The following AHCYL2 variants were observed in gnomAD, a reference collection of about 807,000 sequenced individuals.
The protein encoded by AHCYL2 is adenosylhomocysteinase like 2, also known as S-adenosylhomocysteine hydrolase-like protein 2.
Under a neutral mutation model 81.4 loss-of-function variants are expected in AHCYL2, and 28 were observed. The observed-to-expected ratio is 0.34, with a 90% CI of 0.25 to 0.47. The LOEUF (loss-of-function observed/expected upper bound fraction) is 0.47. AHCYL2 is among the 20% of genes least tolerant of loss of function. AHCYL2 has a pLI of 1.00. For synonymous variants in AHCYL2, 272 were observed against 290.2 expected (o/e 0.94, Z 0.64); for missense variants, 551 against 785.1 (o/e 0.70, Z 3.56).
At chr7:129,415,273 G>T (rs1467193793) in intron 12 of AHCYL2, among the ~76,000 whole-genome samples, 1 of 152,216 alleles carries the variant, frequency 6.6e-6, no homozygotes, top group East Asian at 1.9e-4. Context: ...GGCCTAAAGG[G>T]AAGTATTCAT....
At chr7:129,401,340 C>CG (rs557238939) in intron 6 of AHCYL2, among the ~76,000 whole-genome samples, 1 of 45,038 alleles carries the variant, frequency 2.2e-5, no homozygotes, top group Non-Finnish European at 1.1e-4. Context: ...CATCCCAGTG[C>CG]CCCCCCCCAA....
intron 1 of AHCYL2, among the ~76,000 whole-genome samples, chr7:129,353,324 T>G (rs1160844522): frequency 6.6e-6 from 1 of 152,184 alleles, no homozygotes; most frequent in Non-Finnish European, 1.5e-5. Flanking sequence ...CAAGTAATCT[T>G]TCTATTCCTT....
intron 2 of AHCYL2, among the ~76,000 whole-genome samples, chr7:129,385,536 A>G (rs1157112595): frequency 6.6e-6 from 1 of 152,218 alleles, no homozygotes; most frequent in Non-Finnish European, 1.5e-5. Flanking sequence ...GAAACAAGAT[A>G]ACATCCCATA....
chr7:129,326,037 C>G (rs777284902), intron 1 of AHCYL2, among the ~76,000 whole-genome samples: 3 of 152,050 alleles, frequency 2.0e-5, no homozygotes, highest in Non-Finnish European at 4.4e-5. Flanking sequence ...TAAATGACTC[C>G]ATAATGTGTT....
rs528910031 is a variant in AHCYL2 at position 129,267,214 on chromosome 7, T to C, written c.363+41775T>C. Among the ~76,000 whole-genome samples the C allele has an allele frequency of 1.5e-4, 19 of 129,192 alleles. No individual in the cohort carries two copies. The South Asian group carries it at 4.2e-3, about 29-fold the overall frequency. 84.8% of individuals were successfully genotyped at this position (129,192 alleles called of 152,430 possible). A position where few individuals can be genotyped will look rare whatever the true frequency, so the allele number is the denominator to read the frequency against. The stretch of plus-strand genomic sequence containing the variant: ...AGAGAGTAGTACACCCTCCAAGTTA[T>C]TGAGTTCACTCAAGGGGTGTGTGTG... On this transcript the variant is annotated intron_variant, in intron 1 of 16. Transcript: ENST00000325006.
At chr7:129,243,623 C>T (rs138748545) in intron 1 of AHCYL2, among the ~76,000 whole-genome samples, 3,736 of 152,012 alleles carry the variant, frequency 0.025, 76 homozygotes, top group Admixed American at 0.057. Context: ...GCTCTGTCGC[C>T]CAGGCTGGAG....
chr7:129,320,591 C>T (rs1204256976), intron 1 of AHCYL2, among the ~76,000 whole-genome samples: 3 of 152,088 alleles, frequency 2.0e-5, no homozygotes, highest in Admixed American at 6.5e-5. Context: ...GGATTACAGG[C>T]GGGAGCCACC....
intron 2 of AHCYL2, among the ~76,000 whole-genome samples, chr7:129,386,693 G>T (rs1795220467): frequency 6.6e-6 from 1 of 151,932 alleles, no homozygotes; most frequent in Non-Finnish European, 1.5e-5. Flanking sequence ...ATTTTGTTTT[G>T]CTTTTTGGTT....
chr7:129,281,252 G>A (rs1377047785), intron 1 of AHCYL2, among the ~76,000 whole-genome samples: 1 of 151,926 alleles, frequency 6.6e-6, no homozygotes, highest in African/African-American at 2.4e-5. Context: ...ATATTGCTGG[G>A]CTTGGTTTGC....
intron 1 of AHCYL2, among the ~76,000 whole-genome samples, chr7:129,261,983 T>A (rs1048962132): frequency 6.6e-6 from 1 of 152,178 alleles, no homozygotes; most frequent in Non-Finnish European, 1.5e-5. Context: ...TTTTCTGTAT[T>A]ATTTTTTAAC....
At chr7:129,331,222 A>G (rs1455673813) in intron 1 of AHCYL2, among the ~76,000 whole-genome samples, 1 of 152,214 alleles carries the variant, frequency 6.6e-6, no homozygotes, top group Non-Finnish European at 1.5e-5. Context: ...ATACACCCTG[A>G]TAGAAATATA....
intron 1 of AHCYL2, among the ~76,000 whole-genome samples, chr7:129,299,762 C>G (rs1395073089): frequency 7.2e-5 from 11 of 152,122 alleles, no homozygotes. Context: ...CCTGTTCCAT[C>G]TCATCACCAA....
At chr7:129,317,011 T>C (rs1392424195) in intron 1 of AHCYL2, among the ~76,000 whole-genome samples, 1 of 152,216 alleles carries the variant, frequency 6.6e-6, no homozygotes, top group African/African-American at 2.4e-5. Flanking sequence ...CTATATTGTC[T>C]TCATTGCGGG....
intron 12 of AHCYL2, among the ~76,000 whole-genome samples, chr7:129,417,003 C>G (rs557776057): frequency 2.6e-4 from 39 of 151,864 alleles, no homozygotes; most frequent in African/African-American, 9.4e-4. Flanking sequence ...TGGCTTGCAC[C>G]TGTAGTACCA....
intron 11 of AHCYL2, among the ~76,000 whole-genome samples, chr7:129,412,545 T>C (rs1199982836): frequency 6.6e-6 from 1 of 151,890 alleles, no homozygotes; most frequent in Non-Finnish European, 1.5e-5. Context: ...CCTCCCGAAG[T>C]GTTAGGATTA....
At chr7:129,285,696 CTTTTTTTTTTTTT>C (rs71526096) in intron 1 of AHCYL2, among the ~76,000 whole-genome samples, 1 of 100,598 alleles carries the variant, frequency 9.9e-6, no homozygotes, top group Non-Finnish European at 2.0e-5. Context: ...CTCTCTCTCT[CTTTTTTTTTTTTT>C]TTTTTTTTGA....
intron 1 of AHCYL2, among the ~76,000 whole-genome samples, chr7:129,352,102 T>C (rs1463275503): frequency 1.3e-5 from 2 of 152,158 alleles, no homozygotes; most frequent in Non-Finnish European, 2.9e-5. Flanking sequence ...TGCTGAAATA[T>C]AATGGTTGTC....
chr7:129,237,629 A>G (rs900936413), intron 1 of AHCYL2, among the ~76,000 whole-genome samples: 2 of 152,048 alleles, frequency 1.3e-5, no homozygotes, highest in African/African-American at 2.4e-5. Context: ...TCTCGGATAC[A>G]TGTCCTATGC....
At chr7:129,357,933 CAAAA>C (rs1231126390) in intron 1 of AHCYL2, among the ~76,000 whole-genome samples, 3 of 83,380 alleles carry the variant, frequency 3.6e-5, no homozygotes, top group African/African-American at 4.6e-5. Context: ...GACTCCATCT[CAAAA>C]AAAAAAAAAA....
Sources: allele counts gnomAD v4.1 joint callset (sites outside exome capture counted in the v4.1 genomes callset), GRCh38; gene constraint gnomAD v4.1.1; transcripts MANE v1.5; gene names NCBI Gene and HGNC (gene_info 2026-07-23, HGNC 2026-07-21).